Variants in DENND11 observed in about 807,000 individuals in gnomAD.
The protein encoded by DENND11 is DENN domain-containing protein 11.
A neutral mutation model predicts 49.2 loss-of-function variants in DENND11; 34 were observed. The observed-to-expected ratio is 0.69, with a 90% CI of 0.53 to 0.92. The LOEUF is 0.92. Among genes scored for constraint, DENND11 ranks in the 40% least tolerant of loss-of-function variants. The pLI is 0.00. For synonymous variants in DENND11, 238 were observed against 230.3 expected (o/e 1.03, Z -0.30); for missense variants, 475 against 581.6 (o/e 0.82, Z 1.88).
At chr7:141,697,948 A>G (rs1295123394) in intron 1 of DENND11, among the ~76,000 whole-genome samples, 2 of 152,204 alleles carry the variant, frequency 1.3e-5, no homozygotes, top group Non-Finnish European at 1.5e-5. Context: ...GAAGAAAGGG[A>G]GAAACATCTT....
At chr7:141,664,869 G>C (rs1797863583) in intron 7 of DENND11, 35 bp downstream of exon 7, 2 of 1,590,266 alleles carry the variant, frequency 1.3e-6, no homozygotes, top group Non-Finnish European at 1.7e-6. Context: ...CCTGAGGAGG[G>C]TGGAGCCCCT....
intron 1 of DENND11, among the ~76,000 whole-genome samples, chr7:141,691,064 GTTA>G (rs1357688967): frequency 1.3e-5 from 2 of 152,160 alleles, no homozygotes; most frequent in Admixed American, 1.3e-4. Context: ...ATCAGAACCT[GTTA>G]TTTTTAGCTT....
intron 4 of DENND11, among the ~76,000 whole-genome samples, chr7:141,669,661 A>G (rs1797947445): frequency 6.6e-6 from 1 of 151,938 alleles, no homozygotes; most frequent in Admixed American, 6.5e-5. Context: ...TTAAAGATAT[A>G]TATATATTAT....
intron 4 of DENND11, among the ~76,000 whole-genome samples, chr7:141,672,080 T>A (rs1047424704): frequency 6.6e-6 from 1 of 152,210 alleles, no homozygotes; most frequent in Non-Finnish European, 1.5e-5. Context: ...ACAGCACACG[T>A]GGAGCCACAC....
intron 1 of DENND11, among the ~76,000 whole-genome samples, chr7:141,689,999 A>G (rs1798301879): frequency 6.6e-6 from 1 of 152,248 alleles, no homozygotes. Context: ...GAAATAGCGT[A>G]AAGTGGCATT....
Position 141,665,067 on chromosome 7 carries a change from G to T in DENND11, c.953-13C>A. 3.7e-6 allele frequency: 6 copies of T among 1,613,078 alleles called. No individual in the cohort carries two copies. The highest frequency in any genetic ancestry group is 4.2e-6 in the Non-Finnish European group (5 of 1,179,204). Reference sequence around the variant, plus strand: ...TTCTCTGTGGTGCCTGTGGAACCCGGGGTTAGAGAGGTGGGAACCCACCCG... The same window carrying T: ...TTCTCTGTGGTGCCTGTGGAACCCGTGGTTAGAGAGGTGGGAACCCACCCG... On this transcript the variant is annotated splice_polypyrimidine_tract_variant and intron_variant, in intron 6 of 8. Coordinates refer to ENST00000536163, the MANE Select transcript of DENND11 (RefSeq NM_001080392.2).
At chr7:141,700,638 G>A (rs190055486) in intron 1 of DENND11, among the ~76,000 whole-genome samples, 9 of 152,092 alleles carry the variant, frequency 5.9e-5, no homozygotes, top group Non-Finnish European at 7.4e-5. Context: ...AGTCAAAAGA[G>A]TTTGAAAGCC....
chr7:141,694,386 A>G (rs1163129377), intron 1 of DENND11, among the ~76,000 whole-genome samples: 1 of 152,050 alleles, frequency 6.6e-6, no homozygotes, highest in Non-Finnish European at 1.5e-5. Context: ...TCAACCTCCC[A>G]AACAGCTGGG....
At chr7:141,693,899 T>C (rs1798367247) in intron 1 of DENND11, among the ~76,000 whole-genome samples, 1 of 152,216 alleles carries the variant, frequency 6.6e-6, no homozygotes, top group Admixed American at 6.5e-5. Flanking sequence ...TTATGGTGGA[T>C]ACATAACATC....
At chr7:141,693,725 T>C (rs765878606) in intron 1 of DENND11, among the ~76,000 whole-genome samples, 4 of 152,166 alleles carry the variant, frequency 2.6e-5, no homozygotes, top group Non-Finnish European at 5.9e-5. Flanking sequence ...TGTAGCTAAA[T>C]AAGAGAAGCC....
At chr7:141,697,444 G>C (rs1320799646) in intron 1 of DENND11, among the ~76,000 whole-genome samples, 1 of 152,180 alleles carries the variant, frequency 6.6e-6, no homozygotes, top group East Asian at 1.9e-4. Context: ...ACTGGCATTA[G>C]GTGGAAATAC....
chr7:141,687,677 C>A (rs1798265970), intron 1 of DENND11, among the ~76,000 whole-genome samples: 1 of 147,410 alleles, frequency 6.8e-6, no homozygotes, highest in East Asian at 2.0e-4. Flanking sequence ...TCTTGTCACC[C>A]AGGCTGGAGT....
At chr7:141,701,414 G>T (rs1341584879) in intron 1 of DENND11, 1 of 123,456 alleles carries the variant, frequency 8.1e-6, no homozygotes, top group South Asian at 2.9e-4. Flanking sequence ...GGGGGACGGG[G>T]TGGGGGGCGA....
intron 3 of DENND11, among the ~76,000 whole-genome samples, chr7:141,684,073 G>A (rs1798191488): frequency 6.6e-6 from 1 of 152,126 alleles, no homozygotes; most frequent in African/African-American, 2.4e-5. Flanking sequence ...GACTACAGGT[G>A]CACACCACCA....
chr7:141,682,712 A>G (rs958096622), intron 3 of DENND11, among the ~76,000 whole-genome samples: 4 of 152,158 alleles, frequency 2.6e-5, no homozygotes, highest in Non-Finnish European at 4.4e-5. Flanking sequence ...CCTCTACGCT[A>G]TGACATGAGC....
chr7:141,671,829 A>G (rs1214308701), intron 4 of DENND11, among the ~76,000 whole-genome samples: 1 of 152,208 alleles, frequency 6.6e-6, no homozygotes, highest in Non-Finnish European at 1.5e-5. Flanking sequence ...GAGTACCTCT[A>G]ATGGCCCTCT....
At chr7:141,668,188 G>A (rs1313322944) in intron 4 of DENND11, among the ~76,000 whole-genome samples, 2 of 152,196 alleles carry the variant, frequency 1.3e-5, no homozygotes, top group South Asian at 2.1e-4. Flanking sequence ...AGCCATGATG[G>A]GAGAAGAATG....
intron 8 of DENND11, chr7:141,663,083 G>C (rs752567362): frequency 5.0e-6 from 2 of 402,342 alleles, no homozygotes; most frequent in Non-Finnish European, 8.7e-6. Flanking sequence ...AAATCTCTAA[G>C]CAAGATGGCC....
At chr7:141,672,605 T>TA (rs1198380535) in intron 4 of DENND11, among the ~76,000 whole-genome samples, 2 of 152,212 alleles carry the variant, frequency 1.3e-5, no homozygotes, top group African/African-American at 4.8e-5. Flanking sequence ...GATGAGCCCC[T>TA]AACCCTGGCT....
Sources: gnomAD v4.1 joint callset for allele counts (sites outside exome capture counted in the v4.1 genomes callset) on GRCh38, gnomAD v4.1.1 for gene constraint, MANE v1.5 for transcripts, NCBI Gene and HGNC (gene_info 2026-07-23, HGNC 2026-07-21) for gene names.